Variants in RALYL observed in about 807,000 individuals in gnomAD.
RALYL encodes RNA-binding Raly-like protein.
In RALYL, 29 loss-of-function variants were observed where a neutral mutation model predicts 35.1. The observed-to-expected ratio is 0.83, with a 90% CI of 0.61 to 1.13. The LOEUF (loss-of-function observed/expected upper bound fraction) is 1.13, where lower values mean the gene tolerates loss of function less well. Among genes scored for constraint, RALYL ranks in the 50% most tolerant of loss-of-function variants. The pLI is 0.00. For missense variants in RALYL, 359 were observed against 360.4 expected (o/e 1.00, Z 0.03); for synonymous variants, 120 against 127.6 (o/e 0.94, Z 0.40).
chr8:84,236,285 G>T (rs1349539461), intron 1 of RALYL, among the ~76,000 whole-genome samples: 1 of 152,126 alleles, frequency 6.6e-6, no homozygotes, highest in Non-Finnish European at 1.5e-5. Context: ...GGATCACAAA[G>T]CAACAATATA....
chr8:84,449,567 C>G (rs1307403123), intron 1 of RALYL, among the ~76,000 whole-genome samples: 1 of 151,978 alleles, frequency 6.6e-6, no homozygotes, highest in Non-Finnish European at 1.5e-5. Flanking sequence ...CCTGGCTTAG[C>G]TTTTGGAAGC....
intron 1 of RALYL, among the ~76,000 whole-genome samples, chr8:84,495,180 A>G (rs1456792175): frequency 6.6e-6 from 1 of 151,732 alleles, no homozygotes; most frequent in Non-Finnish European, 1.5e-5. Context: ...ATTGATTGAT[A>G]TACAGAAGAA....
intron 2 of RALYL, among the ~76,000 whole-genome samples, chr8:84,720,396 G>A (rs28831816): frequency 0.067 from 10,198 of 152,178 alleles, 788 homozygotes; most frequent in African/African-American, 0.19. Context: ...AGAACATGTA[G>A]TGGGGAAAAG....
At chr8:84,767,779 C>T (rs1314510950) in intron 2 of RALYL, among the ~76,000 whole-genome samples, 7 of 152,106 alleles carry the variant, frequency 4.6e-5, no homozygotes, top group African/African-American at 1.7e-4. Context: ...TTAAATGGTG[C>T]CTGTTTGGTT....
chr8:84,634,096 T>C (rs1172692216), intron 2 of RALYL, among the ~76,000 whole-genome samples: 2 of 151,914 alleles, frequency 1.3e-5, no homozygotes, highest in African/African-American at 2.4e-5. Context: ...CTGACAGTGT[T>C]AACTTTTATA....
At chr8:84,651,022 G>C (rs1828687199) in intron 2 of RALYL, among the ~76,000 whole-genome samples, 1 of 151,890 alleles carries the variant, frequency 6.6e-6, no homozygotes, top group Non-Finnish European at 1.5e-5. Flanking sequence ...ATTGAACAAT[G>C]AGAACACATG....
At chr8:84,372,886 GTTTTTTTTTTTTT>G (rs76885544) in intron 1 of RALYL, among the ~76,000 whole-genome samples, 415 of 39,084 alleles carry the variant, frequency 0.011, 16 homozygotes, top group African/African-American at 0.041. Context: ...GCCAGCATCT[GTTTTTTTTTTTTT>G]TTTTTTTTTT....
chr8:84,214,337 A>T (rs1308252043), intron 1 of RALYL, among the ~76,000 whole-genome samples: 1 of 152,128 alleles, frequency 6.6e-6, no homozygotes, highest in African/African-American at 2.4e-5. Context: ...TGATAATTAG[A>T]TGGATTTATA....
chr8:84,246,318 G>T (rs1352645569), intron 1 of RALYL, among the ~76,000 whole-genome samples: 1 of 152,094 alleles, frequency 6.6e-6, no homozygotes, highest in Non-Finnish European at 1.5e-5. Context: ...GTAGTGAATA[G>T]AAACTGTTTT....
intron 2 of RALYL, among the ~76,000 whole-genome samples, chr8:84,613,494 C>T (rs1240329181): frequency 6.6e-6 from 1 of 151,426 alleles, no homozygotes. Context: ...CATGTGGTAA[C>T]TAACTGCATC....
intron 1 of RALYL, among the ~76,000 whole-genome samples, chr8:84,333,796 G>A (rs760456979): frequency 9.2e-5 from 14 of 152,084 alleles, no homozygotes; most frequent in Non-Finnish European, 1.8e-4. Context: ...ATCCTCTTGA[G>A]TATATACCTC....
Position 84,664,827 on chromosome 8 carries a change from C to T in RALYL, c.257-109752C>T, listed in dbSNP as rs140108476. Among the ~76,000 whole-genome samples the T allele has an allele frequency of 4.6e-3, 692 of 152,014 alleles. 6 individuals are homozygous for T. The highest frequency in any genetic ancestry group is 6.4e-3 in the Non-Finnish European group (437 of 67,908). On this transcript the variant is annotated intron_variant, in intron 2 of 8. Transcript: ENST00000521268. ...CTTGAATGCCTTTATTTCTTTCTCT[C>T]GCCTGATTCCCCTGGCCAGAACTTC... is the stretch of plus-strand genomic sequence containing the variant.
intron 1 of RALYL, among the ~76,000 whole-genome samples, chr8:84,423,170 A>T (rs1380397525): frequency 3.5e-4 from 49 of 141,338 alleles, no homozygotes; most frequent in African/African-American, 1.1e-3. Context: ...CCCGTTATTA[A>T]TGTGTGGGAG....
At chr8:84,604,743 C>G (rs898106887) in intron 2 of RALYL, among the ~76,000 whole-genome samples, 1 of 152,096 alleles carries the variant, frequency 6.6e-6, no homozygotes, top group Non-Finnish European at 1.5e-5. Context: ...CGATGTGTCA[C>G]ATTCGGGATT....
chr8:84,311,770 T>C (rs1481806879), intron 1 of RALYL, among the ~76,000 whole-genome samples: 2 of 152,196 alleles, frequency 1.3e-5, no homozygotes, highest in Non-Finnish European at 2.9e-5. Context: ...TTGAAATTTA[T>C]TACAATATTT....
chr8:84,655,952 G>T (rs184918340), intron 2 of RALYL, among the ~76,000 whole-genome samples: 1 of 152,058 alleles, frequency 6.6e-6, no homozygotes, highest in African/African-American at 2.4e-5. Context: ...TATGCATTAC[G>T]GAGAACCAGC....
chr8:84,803,148 G>A (rs1040779805), intron 3 of RALYL, among the ~76,000 whole-genome samples: 19 of 152,156 alleles, frequency 1.2e-4, no homozygotes, highest in Non-Finnish European at 2.8e-4. Flanking sequence ...ATACACTAAT[G>A]TCTGATAAAT....
intron 1 of RALYL, among the ~76,000 whole-genome samples, chr8:84,485,001 T>A (rs73688499): frequency 0.064 from 9,681 of 152,184 alleles, 320 homozygotes; most frequent in East Asian, 0.14. Flanking sequence ...CTTTAAAGAC[T>A]TTTTCAAGTG....
intron 8 of RALYL, among the ~76,000 whole-genome samples, chr8:84,915,241 A>G (rs1432195743): frequency 6.6e-6 from 1 of 152,058 alleles, no homozygotes; most frequent in Non-Finnish European, 1.5e-5. Context: ...TAGAGACTGC[A>G]TAGTCTATCT....
Sources: gnomAD v4.1 joint callset for allele counts (sites outside exome capture counted in the v4.1 genomes callset) on GRCh38, gnomAD v4.1.1 for gene constraint, MANE v1.5 for transcripts, NCBI Gene and HGNC (gene_info 2026-07-23, HGNC 2026-07-21) for gene names.